The following EBF1 variants were observed in gnomAD, a reference collection of about 807,000 sequenced individuals.
EBF1 encodes transcription factor COE1.
EBF1 carries 10 observed loss-of-function variants against 68.4 expected under a neutral mutation model. The observed-to-expected ratio is 0.15, with a 90% CI of 0.09 to 0.25. The LOEUF (loss-of-function observed/expected upper bound fraction) is 0.25. EBF1 is among the 10% of genes least tolerant of loss of function. The pLI is 1.00. For synonymous variants in EBF1, 298 were observed against 299.8 expected, an observed-to-expected ratio of 0.99 and a Z score of 0.06; for missense variants, 509 against 794.4, an observed-to-expected ratio of 0.64 and a Z score of 4.32.
chr5:158,937,440 C>T (rs968601369), intron 6 of EBF1, among the ~76,000 whole-genome samples: 5 of 151,980 alleles, frequency 3.3e-5, no homozygotes, highest in African/African-American at 1.2e-4. Context: ...TAAGGGTTCC[C>T]GCAGCACCAG....
intron 10 of EBF1, among the ~76,000 whole-genome samples, chr5:158,745,610 G>A (rs755693163): frequency 4.6e-5 from 7 of 152,174 alleles, no homozygotes; most frequent in Non-Finnish European, 1.0e-4. Context: ...CTACATTACT[G>A]ACCCAAAGGC....
At chr5:158,721,408 G>A (rs1173550941) in intron 11 of EBF1, among the ~76,000 whole-genome samples, 1 of 152,014 alleles carries the variant, frequency 6.6e-6, no homozygotes, top group Non-Finnish European at 1.5e-5. Flanking sequence ...TCAAGCAACT[G>A]TTATTGCCAC....
intron 6 of EBF1, among the ~76,000 whole-genome samples, chr5:159,066,943 G>A (rs961100838): frequency 6.6e-6 from 1 of 152,130 alleles, no homozygotes; most frequent in African/African-American, 2.4e-5. Flanking sequence ...GGGATGGGGG[G>A]CTGTGAGAAG....
intron 4 of EBF1, among the ~76,000 whole-genome samples, chr5:159,087,427 C>CAT (rs1346505821): frequency 6.9e-6 from 1 of 145,436 alleles, no homozygotes; most frequent in African/African-American, 2.6e-5. Flanking sequence ...TACATATATA[C>CAT]ACACATATAT....
At chr5:158,747,134 A>G (rs1374891802) in intron 10 of EBF1, among the ~76,000 whole-genome samples, 1 of 152,178 alleles carries the variant, frequency 6.6e-6, no homozygotes, top group Non-Finnish European at 1.5e-5. Context: ...CAGGCTTGGA[A>G]AGCCTAAGTG....
At chr5:158,902,035 G>A (rs901976610) in intron 6 of EBF1, among the ~76,000 whole-genome samples, 4 of 152,172 alleles carry the variant, frequency 2.6e-5, no homozygotes, top group African/African-American at 9.7e-5. Context: ...AGGTTGCAGT[G>A]AGCCAAGATT....
At chr5:158,828,199 A>T (rs1401761000) in intron 7 of EBF1, among the ~76,000 whole-genome samples, 1 of 152,208 alleles carries the variant, frequency 6.6e-6, no homozygotes, top group African/African-American at 2.4e-5. Context: ...AAAGGAACAA[A>T]CTATTGATAT....
intron 6 of EBF1, among the ~76,000 whole-genome samples, chr5:158,945,169 T>C (rs574997737): frequency 1.3e-5 from 2 of 152,260 alleles, no homozygotes; most frequent in Non-Finnish European, 2.9e-5. Context: ...TAAATGGTAT[T>C]GCCTAGATTT....
intron 6 of EBF1, among the ~76,000 whole-genome samples, chr5:158,936,815 G>C (rs923349962): frequency 1.3e-5 from 2 of 152,284 alleles, no homozygotes; most frequent in East Asian, 3.9e-4. Context: ...CACGAACAGA[G>C]TAGGCACGAG....
At chr5:158,922,217 G>A (rs1808588372) in intron 6 of EBF1, among the ~76,000 whole-genome samples, 1 of 152,170 alleles carries the variant, frequency 6.6e-6, no homozygotes, top group Non-Finnish European at 1.5e-5. Context: ...CCTTGACATT[G>A]TGCAGTAACA....
intron 11 of EBF1, among the ~76,000 whole-genome samples, chr5:158,718,653 G>A (rs946099882): frequency 6.6e-6 from 1 of 152,176 alleles, no homozygotes; most frequent in Admixed American, 6.5e-5. Flanking sequence ...CTTTCCCAAA[G>A]TTTCCACCGC....
chr5:159,074,048 C>G (rs745608798), intron 5 of EBF1, among the ~76,000 whole-genome samples: 4 of 152,054 alleles, frequency 2.6e-5, no homozygotes, highest in Non-Finnish European at 4.4e-5. Flanking sequence ...ATAATTAAGA[C>G]AAGGAAGGGG....
In EBF1 at chr5:158,803,577, C is replaced by G. The variant is rs79284133; in HGVS notation, c.779-7102G>C. ...TTCTCCAACTGGATGCTTTAGAAAC[C>G]AGAAGCAATTAGAATGCCTGACCTG... On this transcript the variant is annotated intron_variant, in intron 8 of 15. Coordinates refer to ENST00000313708, the MANE Select transcript of EBF1 (RefSeq NM_024007.5). Among the ~76,000 whole-genome samples, 10 of 152,072 alleles carry G rather than the reference C, an allele frequency of 6.6e-5. No individual in the cohort carries two copies. In the East Asian group the frequency reaches 1.9e-3, roughly 29 times the overall value.
chr5:158,874,951 C>T (rs1797538026), intron 6 of EBF1, among the ~76,000 whole-genome samples: 1 of 151,848 alleles, frequency 6.6e-6, no homozygotes, highest in South Asian at 2.1e-4. Context: ...CCTGAGATGG[C>T]AATTATAGAA....
intron 10 of EBF1, among the ~76,000 whole-genome samples, chr5:158,758,163 T>C (rs1325799351): frequency 6.6e-6 from 1 of 152,212 alleles, no homozygotes; most frequent in Non-Finnish European, 1.5e-5. Flanking sequence ...GAGGTTTAAA[T>C]GATAATGTAA....
chr5:158,875,799 T>C (rs1466125818), intron 6 of EBF1, among the ~76,000 whole-genome samples: 3 of 152,266 alleles, frequency 2.0e-5, no homozygotes, highest in Non-Finnish European at 4.4e-5. Flanking sequence ...CCTATTTACA[T>C]ATACCCAGAT....
chr5:159,030,712 A>T (rs908101231), intron 6 of EBF1, among the ~76,000 whole-genome samples: 11 of 152,236 alleles, frequency 7.2e-5, no homozygotes, highest in African/African-American at 2.4e-4. Flanking sequence ...TCCTGAGCAC[A>T]TTAAAGGAAT....
chr5:159,085,680 A>G (rs1416761691), intron 4 of EBF1, among the ~76,000 whole-genome samples: 3 of 152,234 alleles, frequency 2.0e-5, no homozygotes, highest in Non-Finnish European at 4.4e-5. Flanking sequence ...TGTTAACAAA[A>G]TTACTTTCAC....
intron 6 of EBF1, among the ~76,000 whole-genome samples, chr5:159,026,315 G>T (rs1244854438): frequency 6.6e-6 from 1 of 151,804 alleles, no homozygotes; most frequent in South Asian, 2.1e-4. Context: ...ACTTAGGGAA[G>T]AAAAATTCCA....
Sources: allele counts gnomAD v4.1 joint callset (sites outside exome capture counted in the v4.1 genomes callset), GRCh38; gene constraint gnomAD v4.1.1; transcripts MANE v1.5; gene names NCBI Gene and HGNC (gene_info 2026-07-23, HGNC 2026-07-21).